FAM53A: variants seen among roughly 807,000 people sequenced by gnomAD.
The protein encoded by FAM53A is protein FAM53A.
Under a neutral mutation model 26.6 loss-of-function variants are expected in FAM53A, and 28 were observed. The observed-to-expected ratio is 1.05, with a 90% CI of 0.78 to 1.45. The LOEUF (loss-of-function observed/expected upper bound fraction) is 1.45, where lower values mean the gene tolerates loss of function less well. FAM53A is among the 40% of genes most tolerant of loss of function. The pLI is 0.00. For synonymous variants in FAM53A, 290 were observed against 253.1 expected (o/e 1.15, Z -1.38); for missense variants, 650 against 575.8 (o/e 1.13, Z -1.32).
At chr4:1,678,781 C>T (rs1033899875) in intron 1 of FAM53A, among the ~76,000 whole-genome samples, 1 of 151,788 alleles carries the variant, frequency 6.6e-6, no homozygotes, top group African/African-American at 2.4e-5. Flanking sequence ...GAGATCACAC[C>T]ACTGCACTAC....
In FAM53A at chr4:1,659,191, GC is replaced by G. The variant is rs1347755604; in HGVS notation, c.76-1724del. Among the ~76,000 whole-genome samples, 1 of 152,238 alleles carries G rather than the reference GC, an allele frequency of 6.6e-6. No homozygotes were observed. The highest frequency in any genetic ancestry group is 2.4e-5 in the African/African-American group (1 of 41,474). On this transcript the variant is annotated intron_variant, in intron 2 of 4. Coordinates refer to ENST00000308132, the MANE Select transcript of FAM53A (RefSeq NM_001174070.3). The surrounding 1 kb of genome is among the most constrained non-coding windows in gnomAD (Gnocchi z 5.2). Reference sequence around the variant, plus strand: ...CCACACCATGAGGACAGGGCCTGGTGCGGGCCCGGGAACCACACGACCTCCA... The same window carrying G: ...CCACACCATGAGGACAGGGCCTGGTGGGGCCCGGGAACCACACGACCTCCA...
chr4:1,612,344 C>T, the FAM53A span, among the ~76,000 whole-genome samples: 4 of 152,228 alleles, frequency 2.6e-5, no homozygotes, highest in African/African-American at 9.6e-5. Flanking sequence ...AGACCTCTCA[C>T]GGTGCTGCCA....
At chr4:1,644,481 G>A in intron 4 of FAM53A, 1 of 1,099,398 alleles carries the variant, frequency 9.1e-7, no homozygotes, top group East Asian at 2.6e-5. Context: ...GAACTGAAGG[G>A]GCCACCCACG....
At chr4:1,608,268 CCT>C in the FAM53A span, among the ~76,000 whole-genome samples, 1 of 152,100 alleles carries the variant, frequency 6.6e-6, no homozygotes, top group Non-Finnish European at 1.5e-5. Flanking sequence ...GTGCCTGCAC[CCT>C]GAGACCCCCA....
intron 1 of FAM53A, among the ~76,000 whole-genome samples, chr4:1,622,400 C>A (rs982469841): frequency 3.3e-5 from 5 of 152,212 alleles, no homozygotes; most frequent in Admixed American, 6.5e-5. Context: ...CCTGGGGACT[C>A]CTTTGTGGCC....
In FAM53A at chr4:1,630,550, C is replaced by A. The variant is rs919591272; in HGVS notation, c.432-12439G>T. ...GGTCTACAAAAATACACGCCCCGGG[C>A]CCCGTTCAGCCAGTCCGTCCCACAC... On this transcript the variant is annotated intron_variant, in intron 1 of 1. Coordinates refer to the FAM53A transcript ENST00000489029. The surrounding 1 kb of genome is among the most constrained non-coding windows in gnomAD (Gnocchi z 4.3). Among the ~76,000 whole-genome samples the A allele has an allele frequency of 6.6e-6, 1 of 152,208 alleles. No individual in the cohort carries two copies. Among genetic ancestry groups the A allele is most frequent in the African/African-American group, 2.4e-5 (1 of 41,456 alleles).
chr4:1,635,836 CTTTTTTTTTTTT>C (rs141715501), downstream of FAM53A, among the ~76,000 whole-genome samples: 12 of 81,524 alleles, frequency 1.5e-4, no homozygotes, highest in East Asian at 4.8e-3. Context: ...AATACTAATT[CTTTTTTTTTTTT>C]TTTTTTTTTT....
chr4:1,580,642 C>G, the FAM53A span, among the ~76,000 whole-genome samples: 1 of 148,546 alleles, frequency 6.7e-6, no homozygotes, highest in Admixed American at 6.7e-5. Flanking sequence ...GCCCCCAACT[C>G]AGGGCCCCGC....
At chr4:1,619,397 G>A (rs1714931702) in intron 1 of FAM53A, among the ~76,000 whole-genome samples, 1 of 152,198 alleles carries the variant, frequency 6.6e-6, no homozygotes, top group South Asian at 2.1e-4. Context: ...GGCGCGCATG[G>A]AGGGGTATGG....
chr4:1,588,850 C>T, the FAM53A span, among the ~76,000 whole-genome samples: 1 of 152,202 alleles, frequency 6.6e-6, no homozygotes, highest in Admixed American at 6.5e-5. Flanking sequence ...TTGTATCAGT[C>T]AGCTTTGCTA....
chr4:1,642,508 A>AC (rs1033655986), intron 4 of FAM53A, among the ~76,000 whole-genome samples: 1 of 150,886 alleles, frequency 6.6e-6, no homozygotes, highest in Non-Finnish European at 1.5e-5. Context: ...CCCAGGCTGC[A>AC]CCCCCCAACC....
At chr4:1,664,669 G>T (rs1288295774) in intron 2 of FAM53A, among the ~76,000 whole-genome samples, 1 of 152,152 alleles carries the variant, frequency 6.6e-6, no homozygotes, top group African/African-American at 2.4e-5. Flanking sequence ...CAATCACACT[G>T]TCCGAATTAC....
chr4:1,613,324 C>T (rs1171554253), downstream of FAM53A, among the ~76,000 whole-genome samples: 2 of 152,206 alleles, frequency 1.3e-5, no homozygotes, highest in African/African-American at 2.4e-5. Context: ...GTCCTGTCAC[C>T]GGGTCCTCAC....
chr4:1,642,958 C>A (rs1348821086), intron 4 of FAM53A, among the ~76,000 whole-genome samples: 1 of 152,202 alleles, frequency 6.6e-6, no homozygotes, highest in Admixed American at 6.5e-5. Flanking sequence ...GACACAGCAC[C>A]CTCGGCCACC....
At chr4:1,648,211 C>CA (rs552111898) in intron 4 of FAM53A, among the ~76,000 whole-genome samples, 1 of 151,954 alleles carries the variant, frequency 6.6e-6, no homozygotes, top group African/African-American at 2.4e-5. Context: ...ACCCTGTCTC[C>CA]AAAAAACAAA....
the FAM53A span, among the ~76,000 whole-genome samples, chr4:1,594,628 G>C: frequency 6.6e-6 from 1 of 152,206 alleles, no homozygotes; most frequent in Non-Finnish European, 1.5e-5. Context: ...AGATTGCTTG[G>C]GGTTGGGAGT....
At chr4:1,593,807 C>T in the FAM53A span, among the ~76,000 whole-genome samples, 1 of 151,940 alleles carries the variant, frequency 6.6e-6, no homozygotes, top group Non-Finnish European at 1.5e-5. Context: ...AGAAGACGCG[C>T]GCTCGGGTGA....
chr4:1,678,226 C>G (rs577597465), intron 1 of FAM53A, among the ~76,000 whole-genome samples: 1 of 152,216 alleles, frequency 6.6e-6, no homozygotes, highest in South Asian at 2.1e-4. Context: ...GACTACAATC[C>G]TAGCTACTTA....
chr4:1,657,739 G>A (rs919162232), intron 2 of FAM53A, among the ~76,000 whole-genome samples: 1 of 152,044 alleles, frequency 6.6e-6, no homozygotes, highest in Non-Finnish European at 1.5e-5. Context: ...TCGGGTTCAC[G>A]CCATTCTCCT....
Sources: allele counts gnomAD v4.1 joint callset (sites outside exome capture counted in the v4.1 genomes callset), GRCh38; gene constraint gnomAD v4.1.1; non-coding constraint Gnocchi (gnomAD v3.1); transcripts MANE v1.5; gene names NCBI Gene and HGNC (gene_info 2026-07-23, HGNC 2026-07-21).